Variants in EXOC4 observed in about 807,000 individuals in gnomAD.
EXOC4 encodes SEC8-like 1.
EXOC4 carries 71 observed loss-of-function variants against 107.2 expected under a neutral mutation model. The ratio of observed to expected loss-of-function variants is 0.66; its 90% CI spans 0.55 to 0.81. EXOC4 has a LOEUF of 0.81. Ranked by LOEUF, EXOC4 falls within the 30% of genes least tolerant of loss-of-function variation. EXOC4 has a pLI of 0.00. For missense variants in EXOC4, 1,108 were observed against 1,189.6 expected (o/e 0.93, Z 1.01); for synonymous variants, 456 against 441.2 (o/e 1.03, Z -0.42).
chr7:133,516,722 G>A (rs1277566200), intron 9 of EXOC4, among the ~76,000 whole-genome samples: 1 of 115,400 alleles, frequency 8.7e-6, no homozygotes, highest in Non-Finnish European at 1.8e-5. Flanking sequence ...GTCATTCGGG[G>A]TTTATTCTTT....
At chr7:133,764,800 G>C (rs982102206) in intron 10 of EXOC4, among the ~76,000 whole-genome samples, 3 of 152,200 alleles carry the variant, frequency 2.0e-5, no homozygotes, top group African/African-American at 7.2e-5. Context: ...TCTGGAGAAT[G>C]ATGATGTCTG....
intron 9 of EXOC4, among the ~76,000 whole-genome samples, chr7:133,528,133 T>A (rs1228624452): frequency 1.3e-5 from 2 of 152,184 alleles, no homozygotes; most frequent in African/African-American, 4.8e-5. Flanking sequence ...AAGACTCACC[T>A]GATAATCTTT....
intron 1 of EXOC4, among the ~76,000 whole-genome samples, chr7:133,257,004 A>G (rs1410675539): frequency 6.6e-6 from 1 of 152,272 alleles, no homozygotes; most frequent in Non-Finnish European, 1.5e-5. Context: ...AAGTGCTTTG[A>G]GACTCAAATA....
At chr7:133,490,897 A>C (rs1369476897) in intron 9 of EXOC4, among the ~76,000 whole-genome samples, 1 of 152,212 alleles carries the variant, frequency 6.6e-6, no homozygotes, top group African/African-American at 2.4e-5. Context: ...ACTTTGTTTT[A>C]AATGCACTTA....
intron 9 of EXOC4, among the ~76,000 whole-genome samples, chr7:133,624,851 C>A (rs1458815740): frequency 3.3e-5 from 5 of 151,936 alleles, no homozygotes; most frequent in African/African-American, 1.2e-4. Flanking sequence ...CCTCAGCCTC[C>A]CAAAGTGCTG....
intron 11 of EXOC4, among the ~76,000 whole-genome samples, chr7:133,882,969 G>A (rs375126898): frequency 6.6e-6 from 1 of 152,148 alleles, no homozygotes; most frequent in Non-Finnish European, 1.5e-5. Context: ...TAAGCACAAA[G>A]AATTTTTCCA....
chr7:133,995,120 A>AGCAG (rs1429146285), intron 14 of EXOC4, among the ~76,000 whole-genome samples: 1 of 151,866 alleles, frequency 6.6e-6, no homozygotes, highest in Middle Eastern at 3.2e-3. Flanking sequence ...TTTTTACCTC[A>AGCAG]CTCATTCTAA....
intron 9 of EXOC4, among the ~76,000 whole-genome samples, chr7:133,617,673 A>C (rs958678689): frequency 3.3e-5 from 5 of 152,154 alleles, no homozygotes; most frequent in African/African-American, 1.2e-4. Flanking sequence ...TCATCTAAAA[A>C]TATCATCTCT....
chr7:133,700,352 A>C (rs1013984992), intron 10 of EXOC4, among the ~76,000 whole-genome samples: 2 of 152,098 alleles, frequency 1.3e-5, no homozygotes, highest in Admixed American at 1.3e-4. Flanking sequence ...AGCTACACTA[A>C]TCTATTCTGT....
At chr7:133,282,694 A>G (rs935830283) in intron 2 of EXOC4, among the ~76,000 whole-genome samples, 2 of 152,148 alleles carry the variant, frequency 1.3e-5, no homozygotes, top group Non-Finnish European at 2.9e-5. Context: ...AGAGAGCATG[A>G]TGTTTTGAAA....
intron 17 of EXOC4, among the ~76,000 whole-genome samples, chr7:134,060,820 T>C (rs1329915176): frequency 1.3e-5 from 2 of 152,204 alleles, no homozygotes; most frequent in African/African-American, 4.8e-5. Flanking sequence ...TTTATGATTC[T>C]TTATGATCTA....
intron 10 of EXOC4, among the ~76,000 whole-genome samples, chr7:133,699,978 C>G (rs1275023891): frequency 2.0e-5 from 3 of 152,064 alleles, no homozygotes; most frequent in African/African-American, 7.2e-5. Flanking sequence ...TGAAGTCATA[C>G]AGATTGTCCC....
intron 3 of EXOC4, among the ~76,000 whole-genome samples, chr7:133,293,514 T>C (rs1356574314): frequency 1.3e-5 from 2 of 152,230 alleles, no homozygotes; most frequent in African/African-American, 4.8e-5. Flanking sequence ...TTAAGGCAGA[T>C]GCAGATGCTT....
chr7:133,515,332 TACAC>T (rs143017406), intron 9 of EXOC4, among the ~76,000 whole-genome samples: 24 of 150,100 alleles, frequency 1.6e-4, no homozygotes, highest in African/African-American at 3.4e-4. Context: ...CAAGTGTGCA[TACAC>T]ACACACACAC....
At chr7:133,406,788 A>G (rs999016788) in intron 7 of EXOC4, among the ~76,000 whole-genome samples, 2 of 152,264 alleles carry the variant, frequency 1.3e-5, no homozygotes, top group Non-Finnish European at 2.9e-5. Flanking sequence ...ATAAAAATGA[A>G]TGTAACTGTG....
intron 7 of EXOC4, among the ~76,000 whole-genome samples, chr7:133,458,455 G>A (rs1391510680): frequency 6.6e-6 from 1 of 152,120 alleles, no homozygotes; most frequent in Non-Finnish European, 1.5e-5. Context: ...GTCACTCCAG[G>A]GACACAGGTG....
intron 5 of EXOC4, among the ~76,000 whole-genome samples, chr7:133,348,346 G>A (rs1363273919): frequency 6.6e-6 from 1 of 152,184 alleles, no homozygotes; most frequent in Non-Finnish European, 1.5e-5. Context: ...TTGGGGCTGT[G>A]TCATTTTATT....
chr7:133,987,090 C>A (rs1034275801), intron 14 of EXOC4, among the ~76,000 whole-genome samples: 41 of 151,990 alleles, frequency 2.7e-4, no homozygotes, highest in African/African-American at 9.9e-4. Context: ...TGTCTTAAGA[C>A]CTGGTAACAT....
At chr7:133,741,118 A>G (rs1364142930) in intron 10 of EXOC4, among the ~76,000 whole-genome samples, 5 of 152,210 alleles carry the variant, frequency 3.3e-5, no homozygotes, top group African/African-American at 9.6e-5. Context: ...GTTGGTAAGA[A>G]CTAGAGTTCA....
Sources: allele counts gnomAD v4.1 joint callset (sites outside exome capture counted in the v4.1 genomes callset), GRCh38; gene constraint gnomAD v4.1.1; transcripts MANE v1.5; gene names NCBI Gene and HGNC (gene_info 2026-07-23, HGNC 2026-07-21).